The following UBE2H variants were observed in gnomAD, a reference collection of about 807,000 sequenced individuals.
UBE2H encodes ubiquitin conjugating enzyme E2 H.
A neutral mutation model predicts 29.0 loss-of-function variants in UBE2H; 3 were observed. The ratio of observed to expected loss-of-function variants is 0.10; its 90% confidence interval spans 0.05 to 0.27. The LOEUF is 0.27. UBE2H is among the 10% of genes least tolerant of loss of function. The pLI is 1.00. For synonymous variants in UBE2H, 69 were observed against 82.9 expected (o/e 0.83, Z 0.91); for missense variants, 68 against 228.2 (o/e 0.30, Z 4.52).
At chr7:129,947,225 C>T (rs897004550) in intron 1 of UBE2H, among the ~76,000 whole-genome samples, 1 of 152,176 alleles carries the variant, frequency 6.6e-6, no homozygotes, top group Non-Finnish European at 1.5e-5. Context: ...CATGTAGGTT[C>T]CTGCCTAACC....
rs773115821 is a variant in UBE2H, at chr7:129,857,498, T to C, written c.298+13A>G. ...CTCAACATCTCCAAAAAATATTCCA[T>C]GGCCAAACTCACCATAGAGAGCTGT... is the stretch of plus-strand genomic sequence containing the variant. On this transcript the variant is annotated intron_variant, in intron 5 of 6. Coordinates refer to ENST00000355621, the MANE Select transcript of UBE2H (RefSeq NM_003344.4). 10 of 1,604,230 alleles carry C rather than the reference T, an allele frequency of 6.2e-6. No individual in the cohort carries two copies. The highest frequency in any genetic ancestry group is 1.7e-6 in the Non-Finnish European group (2 of 1,176,308).
chr7:129,952,618 T>C lies in UBE2H; in HGVS notation c.-63A>G, dbSNP rs951560497. ...TGTCACGGGCCCGGGGCCCCGGCTCTGAGGAGCCCGCGGCCGCGCCGGCTC... is the reference window on the plus strand; with the variant it reads ...TGTCACGGGCCCGGGGCCCCGGCTCCGAGGAGCCCGCGGCCGCGCCGGCTC... On this transcript the variant is annotated 5_prime_UTR_variant, in exon 1 of 7. Transcript: ENST00000355621. 8.3e-6 allele frequency: 13 copies of C among 1,572,928 alleles called. No individual in the cohort carries two copies. The African/African-American group carries it at 1.5e-4, about 18-fold the overall frequency.
At chr7:129,932,010 G>A (rs1265449452) in intron 1 of UBE2H, among the ~76,000 whole-genome samples, 2 of 151,544 alleles carry the variant, frequency 1.3e-5, no homozygotes, top group Non-Finnish European at 2.9e-5. Flanking sequence ...TTTTAGTAGA[G>A]ATGGGGTTTC....
intron 5 of UBE2H, among the ~76,000 whole-genome samples, chr7:129,844,168 T>A (rs1485722350): frequency 1.3e-5 from 2 of 152,216 alleles, no homozygotes; most frequent in East Asian, 1.9e-4. Flanking sequence ...GAGTCACACC[T>A]GTAAAACAGA....
chr7:129,831,316 T>C lies in UBE2H; in HGVS notation c.*3621A>G, dbSNP rs1805222478. Reference sequence around the variant, plus strand: ...GCTAACTTTTTTAAATGGCTTTTACTTTTCTAAGTCACTGAAACAAGGAAG... The same window carrying C: ...GCTAACTTTTTTAAATGGCTTTTACCTTTCTAAGTCACTGAAACAAGGAAG... On this transcript the variant is annotated 3_prime_UTR_variant, in exon 7 of 7. Coordinates refer to ENST00000355621, the MANE Select transcript of UBE2H (RefSeq NM_003344.4). The C allele has an allele frequency of 6.6e-6, 1 of 152,242 alleles. No individual in the cohort carries two copies. Among genetic ancestry groups the C allele is most frequent in the Non-Finnish European group, 1.5e-5 (1 of 68,038 alleles). 9.4% of individuals were successfully genotyped at this position (152,242 alleles called of 1,614,324 possible).
chr7:129,867,813 TA>T (rs1805945478), intron 3 of UBE2H, among the ~76,000 whole-genome samples: 1 of 139,672 alleles, frequency 7.2e-6, no homozygotes, highest in Non-Finnish European at 1.5e-5. Context: ...CTGCATTTGG[TA>T]TAGTTAAAAA....
At position 129,846,146 on chromosome 7, in the gene UBE2H, T is replaced by C. The variant is rs960389445; in HGVS notation, c.299-6811A>G. On this transcript the variant is annotated intron_variant, in intron 5 of 6. Coordinates refer to ENST00000355621, the MANE Select transcript of UBE2H (RefSeq NM_003344.4). ...GGGATGAATCACACATCTCATGTTT[T>C]ATTCTTGGCTATTTATGAACCAGTG... 3.9e-5 allele frequency among the ~76,000 whole-genome samples: 6 copies of C among 152,320 alleles called. No homozygotes were observed. The East Asian group carries it at 5.8e-4, about 15-fold the overall frequency.
intron 1 of UBE2H, among the ~76,000 whole-genome samples, chr7:129,947,179 C>T (rs1185600365): frequency 6.6e-6 from 1 of 152,190 alleles, no homozygotes; most frequent in East Asian, 1.9e-4. Flanking sequence ...AACTGCACTG[C>T]AGGAATCAGA....
intron 3 of UBE2H, chr7:129,865,024 T>C: frequency 2.3e-6 from 1 of 437,420 alleles, no homozygotes; most frequent in Non-Finnish European, 4.6e-6. Flanking sequence ...CCCTTCTCTG[T>C]CCTGCGTCTT....
intron 5 of UBE2H, among the ~76,000 whole-genome samples, chr7:129,852,851 G>A (rs1011873080): frequency 2.0e-5 from 3 of 151,946 alleles, no homozygotes; most frequent in Non-Finnish European, 4.4e-5. Flanking sequence ...TCAGCTGTCC[G>A]AGTAGCTGGA....
Position 129,842,522 on chromosome 7 carries a change from G to A in UBE2H, c.299-3187C>T, listed in dbSNP as rs566024576. ...TGAAATATCCAATAAAACATGAAAA[G>A]TCTGAAAATGTTTTTATTTTCTTAT... is the stretch of plus-strand genomic sequence containing the variant. On this transcript the variant is annotated intron_variant, in intron 5 of 6. Transcript: ENST00000355621. 4.6e-5 allele frequency among the ~76,000 whole-genome samples: 7 copies of A among 152,282 alleles called. No homozygotes were observed. In the South Asian group the frequency reaches 8.3e-4, roughly 18 times the overall value.
intron 5 of UBE2H, among the ~76,000 whole-genome samples, chr7:129,851,551 G>T: frequency 6.6e-6 from 1 of 152,138 alleles, no homozygotes; most frequent in Non-Finnish European, 1.5e-5. Context: ...CTCAGTAATC[G>T]TAAGTGAATG....
chr7:129,880,849 A>G (rs75328071), intron 2 of UBE2H, 46 bp downstream of exon 2: 57,511 of 1,526,054 alleles, frequency 0.038, 1,322 homozygotes, highest in Non-Finnish European at 0.043. Flanking sequence ...TAAGAAACAG[A>G]GTAAAAGACT....
At chr7:129,839,838 T>A (rs1401297055) in intron 5 of UBE2H, 1 of 160,874 alleles carries the variant, frequency 6.2e-6, no homozygotes, top group African/African-American at 2.4e-5. Flanking sequence ...GCCTCCCAAG[T>A]AGCTGGCACT....
intron 3 of UBE2H, chr7:129,864,885 G>C (rs1168879633): frequency 8.6e-6 from 2 of 232,256 alleles, no homozygotes; most frequent in African/African-American, 4.6e-5. Flanking sequence ...ATATTTCAGT[G>C]ATTTGACCAG....
rs1000445191 is a variant in UBE2H at position 129,831,454 on chromosome 7, G to T, written c.*3483C>A. On this transcript the variant is annotated 3_prime_UTR_variant, in exon 7 of 7. Coordinates refer to ENST00000355621, the MANE Select transcript of UBE2H (RefSeq NM_003344.4). ...TTTCATGATTCTCAGCCATCCCAAC[G>T]GGAGGCCTAACATAAAGCATGTGCC... 1.3e-5 allele frequency: 2 copies of T among 152,170 alleles called. No individual in the cohort carries two copies. The highest frequency in any genetic ancestry group is 2.4e-5 in the African/African-American group (1 of 41,422). 9.4% of individuals were successfully genotyped at this position (152,170 alleles called of 1,614,324 possible).
At chr7:129,853,904 G>A (rs1222546354) in intron 5 of UBE2H, among the ~76,000 whole-genome samples, 1 of 152,106 alleles carries the variant, frequency 6.6e-6, no homozygotes, top group Non-Finnish European at 1.5e-5. Flanking sequence ...CAAGGTAAAT[G>A]GCAGGAAATT....
At chr7:129,841,363 T>C (rs1218026474) in intron 5 of UBE2H, among the ~76,000 whole-genome samples, 3 of 152,144 alleles carry the variant, frequency 2.0e-5, no homozygotes, top group Non-Finnish European at 4.4e-5. Flanking sequence ...CACTGTAAGG[T>C]TAAGAAGCTG....
At chr7:129,930,657 C>T (rs1807370625) in intron 1 of UBE2H, among the ~76,000 whole-genome samples, 1 of 151,714 alleles carries the variant, frequency 6.6e-6, no homozygotes, top group African/African-American at 2.4e-5. Flanking sequence ...ACCTGTAATC[C>T]CAGCACTTTG....
Sources: allele counts gnomAD v4.1 joint callset (sites outside exome capture counted in the v4.1 genomes callset), GRCh38; gene constraint gnomAD v4.1.1; transcripts MANE v1.5; gene names NCBI Gene and HGNC (gene_info 2026-07-23, HGNC 2026-07-21).